The following PRKCE variants were observed in gnomAD, a reference collection of about 807,000 sequenced individuals.
The protein encoded by PRKCE is protein kinase C epsilon type.
PRKCE carries 16 observed loss-of-function variants against 85.4 expected under a neutral mutation model. The ratio of observed to expected loss-of-function variants is 0.19; its 90% CI spans 0.13 to 0.28. The LOEUF (loss-of-function observed/expected upper bound fraction) is 0.28. Among genes scored for constraint, PRKCE ranks in the 10% least tolerant of loss-of-function variants. The probability of loss-of-function intolerance (pLI) is 1.00; values close to 1 mark genes in which losing one functional copy is unlikely to be tolerated. For missense variants in PRKCE, 573 were observed against 975.2 expected, an observed-to-expected ratio of 0.59 and a Z score of 5.49; for synonymous variants, 388 against 371.5, an observed-to-expected ratio of 1.04 and a Z score of -0.51.
At chr2:45,893,748 C>A (rs996492787) in intron 2 of PRKCE, among the ~76,000 whole-genome samples, 1 of 152,086 alleles carries the variant, frequency 6.6e-6, no homozygotes, top group Non-Finnish European at 1.5e-5. Context: ...CTCATTGATC[C>A]CCCTGCAAAT....
chr2:45,964,593 T>C (rs1333073271), intron 2 of PRKCE, among the ~76,000 whole-genome samples: 1 of 152,216 alleles, frequency 6.6e-6, no homozygotes, highest in Non-Finnish European at 1.5e-5. Context: ...CTGTAATATG[T>C]AACTGTGAAT....
intron 1 of PRKCE, among the ~76,000 whole-genome samples, chr2:45,696,305 A>C (rs1035898996): frequency 6.6e-6 from 1 of 152,016 alleles, no homozygotes; most frequent in Non-Finnish European, 1.5e-5. Context: ...TATTGAATAC[A>C]TATTTACAGT....
intron 6 of PRKCE, among the ~76,000 whole-genome samples, chr2:45,992,324 C>T (rs566226784): frequency 1.9e-3 from 289 of 152,240 alleles, no homozygotes; most frequent in African/African-American, 6.7e-3. Context: ...AGCAGACAAG[C>T]GGCCGATCGT....
intron 1 of PRKCE, among the ~76,000 whole-genome samples, chr2:45,668,968 C>T (rs544072252): frequency 9.2e-5 from 14 of 152,266 alleles, no homozygotes; most frequent in South Asian, 2.1e-4. Flanking sequence ...CCCCAAGTCC[C>T]TGATCACACT....
intron 1 of PRKCE, among the ~76,000 whole-genome samples, chr2:45,659,508 T>C (rs1362937984): frequency 2.6e-5 from 4 of 152,170 alleles, no homozygotes; most frequent in Non-Finnish European, 4.4e-5. Context: ...CTCACAGATC[T>C]CTCAGGTGAG....
At chr2:45,888,147 A>G (rs1454332974) in intron 2 of PRKCE, among the ~76,000 whole-genome samples, 1 of 152,236 alleles carries the variant, frequency 6.6e-6, no homozygotes, top group Non-Finnish European at 1.5e-5. Context: ...GGATGATCCC[A>G]GATATAACAG....
chr2:46,030,947 G>T (rs1480495819), intron 10 of PRKCE, among the ~76,000 whole-genome samples: 1 of 152,128 alleles, frequency 6.6e-6, no homozygotes, highest in African/African-American at 2.4e-5. Context: ...GTCTTGCACG[G>T]TCCTGTATAC....
At chr2:46,038,606 AG>A (rs1272755207) in intron 10 of PRKCE, among the ~76,000 whole-genome samples, 1 of 148,784 alleles carries the variant, frequency 6.7e-6, no homozygotes, top group Non-Finnish European at 1.5e-5. Context: ...TCTTTGGTGT[AG>A]TATTAAATAT....
intron 1 of PRKCE, among the ~76,000 whole-genome samples, chr2:45,714,325 T>A (rs1180720611): frequency 6.6e-6 from 1 of 152,118 alleles, no homozygotes; most frequent in Non-Finnish European, 1.5e-5. Flanking sequence ...GGAAGGACTG[T>A]CCTACAAAGA....
chr2:45,803,024 T>C (rs963729859), intron 1 of PRKCE, among the ~76,000 whole-genome samples: 6 of 152,150 alleles, frequency 3.9e-5, no homozygotes, highest in Non-Finnish European at 5.9e-5. Flanking sequence ...GTATGAAAGG[T>C]ATAGACACGT....
intron 1 of PRKCE, among the ~76,000 whole-genome samples, chr2:45,769,407 G>A (rs574714946): frequency 6.6e-6 from 1 of 152,080 alleles, no homozygotes; most frequent in Non-Finnish European, 1.5e-5. Context: ...GTGTGTGTAT[G>A]TACATATCTG....
At chr2:46,162,865 C>T (rs566722507) in intron 14 of PRKCE, among the ~76,000 whole-genome samples, 81 of 152,160 alleles carry the variant, frequency 5.3e-4, no homozygotes, top group African/African-American at 1.9e-3. Context: ...GAAAAGTGAC[C>T]CAAATCTGTC....
At chr2:45,990,562 C>T (rs914984134) in intron 6 of PRKCE, among the ~76,000 whole-genome samples, 1 of 152,190 alleles carries the variant, frequency 6.6e-6, no homozygotes, top group African/African-American at 2.4e-5. Context: ...ACCCTGACCA[C>T]TGGGTAGCTC....
At chr2:45,687,205 A>G (rs374581304) in intron 1 of PRKCE, among the ~76,000 whole-genome samples, 16 of 152,292 alleles carry the variant, frequency 1.1e-4, no homozygotes, top group East Asian at 7.7e-4. Flanking sequence ...TGAATTGAAA[A>G]TCACACATAA....
intron 1 of PRKCE, among the ~76,000 whole-genome samples, chr2:45,836,869 C>A (rs1309216343): frequency 2.0e-5 from 3 of 152,204 alleles, no homozygotes; most frequent in Admixed American, 6.5e-5. Context: ...CAGACCCTGT[C>A]CCTGTTGCCC....
rs555806592 is a variant in PRKCE at position 45,945,148 on chromosome 2, G to A, written c.413-31281G>A. Among the ~76,000 whole-genome samples the A allele has an allele frequency of 3.1e-3, 470 of 152,306 alleles. 1 individual carries two copies. The highest frequency in any genetic ancestry group is 8.8e-3 in the African/African-American group (365 of 41,564). ...TTTCAGTTTCAGAGGAACACCTGGG[G>A]AAGGCTGCTGTGTGAGTCCATTCTT... On this transcript the variant is annotated intron_variant, in intron 2 of 14. Coordinates refer to ENST00000306156, the MANE Select transcript of PRKCE (RefSeq NM_005400.3).
At chr2:45,832,648 C>T (rs777593660) in intron 1 of PRKCE, among the ~76,000 whole-genome samples, 5 of 152,130 alleles carry the variant, frequency 3.3e-5, no homozygotes, top group Non-Finnish European at 7.3e-5. Flanking sequence ...GTATGGGCTC[C>T]ATGACAGCTC....
At chr2:45,950,007 C>G (rs778524662) in intron 2 of PRKCE, among the ~76,000 whole-genome samples, 2 of 151,642 alleles carry the variant, frequency 1.3e-5, no homozygotes, top group Non-Finnish European at 2.9e-5. Context: ...CTGTGAGAAA[C>G]CTAGTAGGAT....
intron 9 of PRKCE, 22 bp from the exon 10 acceptor site, chr2:46,010,322 G>A (rs760527540): frequency 1.9e-6 from 3 of 1,577,312 alleles, no homozygotes; most frequent in South Asian, 1.1e-5. Context: ...ATAGATTGAT[G>A]GAGGCAATTG....
Sources: allele counts gnomAD v4.1 joint callset (sites outside exome capture counted in the v4.1 genomes callset), GRCh38; gene constraint gnomAD v4.1.1; transcripts MANE v1.5; gene names NCBI Gene and HGNC (gene_info 2026-07-23, HGNC 2026-07-21).